CDC42BPA: variants seen among roughly 807,000 people sequenced by gnomAD.
The protein encoded by CDC42BPA is CDC42 binding protein kinase alpha, also known as serine/threonine-protein kinase MRCK alpha.
A neutral mutation model predicts 223.5 loss-of-function variants in CDC42BPA; 80 were observed. The observed-to-expected ratio is 0.36, with a 90% CI of 0.30 to 0.43. The LOEUF (loss-of-function observed/expected upper bound fraction) is 0.43. CDC42BPA is among the 20% of genes least tolerant of loss of function. CDC42BPA has a pLI of 1.00. For synonymous variants in CDC42BPA, 694 were observed against 718.6 expected (o/e 0.97, Z 0.55); for missense variants, 1,743 against 2,099.9 (o/e 0.83, Z 3.32).
chr1:227,299,745 A>C, intron 1 of CDC42BPA, among the ~76,000 whole-genome samples: 1 of 152,066 alleles, frequency 6.6e-6, no homozygotes, highest in East Asian at 1.9e-4. Flanking sequence ...AATGACCCAC[A>C]GTCTGGAAAA....
chr1:227,191,664 A>AT (rs1450361265), intron 5 of CDC42BPA, among the ~76,000 whole-genome samples: 2 of 149,674 alleles, frequency 1.3e-5, no homozygotes, highest in East Asian at 3.9e-4. Flanking sequence ...CTAAGACTCT[A>AT]TGTTTAGTAA....
At chr1:227,187,957 A>C (rs1398519007) in intron 5 of CDC42BPA, among the ~76,000 whole-genome samples, 1 of 152,056 alleles carries the variant, frequency 6.6e-6, no homozygotes, top group Non-Finnish European at 1.5e-5. Context: ...ATTCTCAGAC[A>C]AACAAAAACT....
At chr1:227,022,247 C>G (rs910773180) in intron 32 of CDC42BPA, among the ~76,000 whole-genome samples, 9 of 152,066 alleles carry the variant, frequency 5.9e-5, no homozygotes, top group Non-Finnish European at 8.8e-5. Context: ...GCCTGGCCAA[C>G]ATGGTGAAAC....
chr1:227,238,588 A>G (rs1459840332), intron 2 of CDC42BPA, among the ~76,000 whole-genome samples: 1 of 152,186 alleles, frequency 6.6e-6, no homozygotes, highest in Non-Finnish European at 1.5e-5. Flanking sequence ...CTTTACAGAA[A>G]AAGTTTGTTG....
chr1:227,084,083 A>G (rs553107213), intron 16 of CDC42BPA, among the ~76,000 whole-genome samples: 1 of 148,768 alleles, frequency 6.7e-6, no homozygotes, highest in Admixed American at 6.8e-5. Flanking sequence ...CCTTGTTGTC[A>G]CTCCAATGAC....
chr1:227,188,862 G>GAC, intron 5 of CDC42BPA, among the ~76,000 whole-genome samples: 1 of 152,104 alleles, frequency 6.6e-6, no homozygotes, highest in Admixed American at 6.6e-5. Flanking sequence ...GGACTTAGGT[G>GAC]ATAATGAAGG....
chr1:227,264,088 GC>G lies in CDC42BPA; in HGVS notation c.179-9934del, dbSNP rs533647054. On this transcript the variant is annotated intron_variant, in intron 1 of 36. Coordinates refer to ENST00000366766, the MANE Select transcript of CDC42BPA (RefSeq NM_001394014.1). Reference sequence around the variant, plus strand: ...CTTTTGTCTATTCATGAAGACAGCTGCTTTTTATTTGCCTTTGTCTTATTTT... The same window carrying G: ...CTTTTGTCTATTCATGAAGACAGCTGTTTTTATTTGCCTTTGTCTTATTTT... Among the ~76,000 whole-genome samples the G allele has an allele frequency of 2.0e-5, 3 of 152,134 alleles. No individual in the cohort carries two copies. In the South Asian group the frequency reaches 6.2e-4, roughly 32 times the overall value.
chr1:227,150,229 A>AC (rs1239449213), intron 6 of CDC42BPA, among the ~76,000 whole-genome samples: 10 of 151,610 alleles, frequency 6.6e-5, no homozygotes, highest in South Asian at 6.3e-4. Context: ...TGTCTCAAAA[A>AC]AAAAAAAACA....
intron 2 of CDC42BPA, among the ~76,000 whole-genome samples, chr1:227,237,936 G>T (rs1159115481): frequency 6.6e-6 from 1 of 151,458 alleles, no homozygotes; most frequent in South Asian, 2.1e-4. Flanking sequence ...CTACTCGGGA[G>T]GCTAAGACAG....
intron 3 of CDC42BPA, among the ~76,000 whole-genome samples, chr1:227,199,893 C>T (rs1671417608): frequency 2.0e-5 from 3 of 151,892 alleles, no homozygotes; most frequent in Admixed American, 2.0e-4. Context: ...GAGAAAAATG[C>T]ACAGAATAAT....
At chr1:227,060,030 G>GTTTTTTTTTTTTT (rs66527313) in intron 21 of CDC42BPA, among the ~76,000 whole-genome samples, 3 of 117,670 alleles carry the variant, frequency 2.5e-5, no homozygotes, top group East Asian at 2.6e-4. Flanking sequence ...GTTTTTTTTT[G>GTTTTTTTTTTTTT]TTTTTTTTTT....
At chr1:227,072,383 G>T in intron 19 of CDC42BPA, 84 bp from the exon 20 acceptor site, 2 of 736,396 alleles carry the variant, frequency 2.7e-6, no homozygotes, top group African/African-American at 1.8e-5. Context: ...AAACTTACTT[G>T]GTTTAAATGT....
intron 15 of CDC42BPA, among the ~76,000 whole-genome samples, chr1:227,100,252 C>T (rs377473361): frequency 1.8e-4 from 28 of 152,276 alleles, no homozygotes; most frequent in South Asian, 8.3e-4. Flanking sequence ...CCTCATCTCT[C>T]GCAGCTGGAT....
rs34717435 is a variant in CDC42BPA at position 227,185,754 on chromosome 1, G to GTT, written c.599+8030_599+8031dup. Among the ~76,000 whole-genome samples the GTT allele has an allele frequency of 2.8e-3, 424 of 150,994 alleles. 11 individuals carry two copies. In the East Asian group the frequency reaches 0.046, roughly 16 times the overall value. ...AAACTACTCCACGTGTGTCCATGTCGTTTTTTTTCTAATTCAACTTAAGAG... is the reference window on the plus strand; with the variant it reads ...AAACTACTCCACGTGTGTCCATGTCGTTTTTTTTTTCTAATTCAACTTAAGAG... On this transcript the variant is annotated intron_variant, in intron 5 of 36. Transcript: ENST00000366766.
chr1:227,140,908 G>A (rs1659546482), intron 9 of CDC42BPA, among the ~76,000 whole-genome samples: 1 of 152,156 alleles, frequency 6.6e-6, no homozygotes, highest in Non-Finnish European at 1.5e-5. Context: ...GAAAAGAGAA[G>A]TCCAAAGACT....
At chr1:227,070,935 T>C (rs1029256949) in intron 20 of CDC42BPA, among the ~76,000 whole-genome samples, 1 of 151,852 alleles carries the variant, frequency 6.6e-6, no homozygotes, top group Non-Finnish European at 1.5e-5. Flanking sequence ...CTCTCTCCTA[T>C]TTGCCATTAG....
At chr1:227,117,812 T>C (rs1268032224) in intron 12 of CDC42BPA, among the ~76,000 whole-genome samples, 3 of 151,950 alleles carry the variant, frequency 2.0e-5, no homozygotes, top group Non-Finnish European at 4.4e-5. Context: ...AAGAACACTT[T>C]TTAATAAAAA....
chr1:227,165,925 A>C (rs1558657299), intron 5 of CDC42BPA, among the ~76,000 whole-genome samples: 2 of 152,178 alleles, frequency 1.3e-5, no homozygotes, highest in African/African-American at 4.8e-5. Flanking sequence ...TGTTTGATTA[A>C]AATTAATTAA....
Position 227,317,288 on chromosome 1 carries a change from T to C in CDC42BPA, c.-106A>G, listed in dbSNP as rs1482844883. On this transcript the variant is annotated 5_prime_UTR_variant, in exon 1 of 37. The change creates a new upstream start codon in the 5' untranslated region. Coordinates refer to ENST00000366766, the MANE Select transcript of CDC42BPA (RefSeq NM_001394014.1). ...ATGGTTTTAAAAATAAACCACTTGT[T>C]ATTCAAACAACTGTCATGCAATGCT... The C allele has an allele frequency of 8.3e-7, 1 of 1,206,550 alleles. No individual in the cohort carries two copies. Among genetic ancestry groups the C allele is most frequent in the Non-Finnish European group, 1.2e-6 (1 of 864,554 alleles). 74.7% of individuals were successfully genotyped at this position (1,206,550 alleles called of 1,614,324 possible). A position where few individuals can be genotyped will look rare whatever the true frequency, so the allele number is the denominator to read the frequency against.
Sources: gnomAD v4.1 joint callset for allele counts (sites outside exome capture counted in the v4.1 genomes callset) on GRCh38, gnomAD v4.1.1 for gene constraint, MANE v1.5 for transcripts, NCBI Gene and HGNC (gene_info 2026-07-23, HGNC 2026-07-21) for gene names.